WNK3: variants seen among roughly 807,000 people sequenced by gnomAD.
The protein encoded by WNK3 is serine/threonine-protein kinase WNK3.
In WNK3, 18 loss-of-function variants were observed where a neutral mutation model predicts 116.7. That is an observed-to-expected ratio of 0.15 (90% CI 0.11 to 0.23). WNK3 has a LOEUF of 0.23. Ranked by LOEUF, WNK3 falls within the 10% of genes least tolerant of loss-of-function variation. The pLI is 1.00. For synonymous variants in WNK3, 404 were observed against 469.4 expected, an observed-to-expected ratio of 0.86 and a Z score of 1.80; for missense variants, 993 against 1,323.8, an observed-to-expected ratio of 0.75 and a Z score of 3.88.
chrX:54,223,021 G>T (rs7054867), intron 22 of WNK3, among the ~76,000 whole-genome samples: 1,844 of 104,281 alleles, frequency 0.018, 48 homozygotes, highest in African/African-American at 0.062. Flanking sequence ...CGGAGAGTCA[G>T]AGGATGAGGA....
intron 10 of WNK3, among the ~76,000 whole-genome samples, 171 bp from the exon 11 acceptor site, chrX:54,259,509 G>T (rs1557156279): frequency 9.0e-6 from 1 of 111,609 alleles, no homozygotes; most frequent in Non-Finnish European, 1.9e-5. Context: ...TATTACCAAA[G>T]ATAAATAAAA....
intron 10 of WNK3, among the ~76,000 whole-genome samples, chrX:54,275,012 T>TAA (rs142853353): frequency 1.3e-4 from 5 of 39,949 alleles, no homozygotes; most frequent in Admixed American, 3.6e-4. Context: ...CCCTGTCACA[T>TAA]AAAAAAAAAA....
At chrX:54,326,095 T>C (rs2069100533) in intron 2 of WNK3, among the ~76,000 whole-genome samples, 1 of 105,487 alleles carries the variant, frequency 9.5e-6, no homozygotes, top group Admixed American at 1.0e-4. Context: ...TTTGTTTGAT[T>C]TTTTTTTTTT....
At chrX:54,199,551 C>T (rs1047886168) in intron 23 of WNK3, among the ~76,000 whole-genome samples, 4 of 111,903 alleles carry the variant, frequency 3.6e-5, no homozygotes, top group Non-Finnish European at 3.8e-5. Flanking sequence ...CAAATACAGA[C>T]GGCTGGGCGC....
chrX:54,314,702 G>C (rs2068931318), intron 2 of WNK3, among the ~76,000 whole-genome samples: 1 of 110,373 alleles, frequency 9.1e-6, no homozygotes, highest in Admixed American at 9.7e-5. Context: ...CCGGGAGGTC[G>C]AGACTGTATA....
At chrX:54,339,001 C>CA (rs782133987) in intron 1 of WNK3, among the ~76,000 whole-genome samples, 999 of 41,137 alleles carry the variant, frequency 0.024, 18 homozygotes, top group African/African-American at 0.081. Context: ...GACTCTGTCT[C>CA]AAAAAAAAAA....
intron 10 of WNK3, among the ~76,000 whole-genome samples, chrX:54,268,422 G>A (rs966823589): frequency 9.0e-6 from 1 of 111,513 alleles, no homozygotes; most frequent in Non-Finnish European, 1.9e-5. Context: ...CCAGGAGCCA[G>A]GTTGAGGCTG....
chrX:54,342,557 A>AC (rs2069342848), intron 1 of WNK3, among the ~76,000 whole-genome samples: 1 of 109,651 alleles, frequency 9.1e-6, no homozygotes, highest in Non-Finnish European at 1.9e-5. Context: ...CAAGAGTGAA[A>AC]TCTGTCTCAA....
chrX:54,265,882 A>C (rs1463967074), intron 10 of WNK3, among the ~76,000 whole-genome samples: 1 of 111,884 alleles, frequency 8.9e-6, no homozygotes, highest in African/African-American at 3.2e-5. Flanking sequence ...GGTCTCTACC[A>C]AAAATACAAA....
At chrX:54,249,394 C>A (rs200979535) in exon 17 of WNK3, 1 of 1,209,929 alleles carries the variant, frequency 8.3e-7, no homozygotes, top group Non-Finnish European at 1.1e-6. Context: ...TGGAACTGCA[C>A]GAACTGAAGT....
intron 22 of WNK3, among the ~76,000 whole-genome samples, chrX:54,226,777 T>C (rs1473841796): frequency 9.0e-6 from 1 of 110,899 alleles, no homozygotes; most frequent in African/African-American, 3.3e-5. Context: ...GAGGCGGACG[T>C]TGCAGTGAGC....
chrX:54,238,979 G>C, exon 18 of WNK3: 1 of 1,209,894 alleles, frequency 8.3e-7, no homozygotes, highest in Non-Finnish European at 1.1e-6. Context: ...TTGAGACTAG[G>C]ACAAGTAAAG....
At chrX:54,353,603 C>T (rs2069548750) in intron 1 of WNK3, among the ~76,000 whole-genome samples, 2 of 109,993 alleles carry the variant, frequency 1.8e-5, no homozygotes, top group African/African-American at 3.3e-5. Flanking sequence ...AAAAATTAGC[C>T]GGGCGTAGTG....
intron 19 of WNK3, among the ~76,000 whole-genome samples, chrX:54,238,125 C>T (rs958707268): frequency 4.5e-5 from 5 of 110,221 alleles, no homozygotes; most frequent in African/African-American, 1.3e-4. Flanking sequence ...CCCAGCTACT[C>T]GGGAGGCTGA....
intron 12 of WNK3, among the ~76,000 whole-genome samples, chrX:54,255,233 G>A (rs2068178874): frequency 9.0e-6 from 1 of 111,494 alleles, no homozygotes; most frequent in African/African-American, 3.3e-5. Context: ...ACCTGCCTCG[G>A]CCTTCCAAAG....
intron 17 of WNK3, among the ~76,000 whole-genome samples, chrX:54,245,978 G>A (rs1315206835): frequency 8.9e-6 from 1 of 112,048 alleles, no homozygotes; most frequent in East Asian, 2.8e-4. Flanking sequence ...ATATTTGCTA[G>A]TCTGATTAGC....
chrX:54,338,777 G>A (rs1252343608), intron 1 of WNK3, among the ~76,000 whole-genome samples: 2 of 108,974 alleles, frequency 1.8e-5, no homozygotes, highest in African/African-American at 6.7e-5. Context: ...TGAGGTGGGT[G>A]GATCACCTGA....
rs182006027 is a variant in WNK3, at chrX:54,217,959, C to T, written c.4870+10755G>A. ...GTTTGCACCACAAAATTAAGAGACA[C>T]GCAAAGAAACAGGAAAGCATGACAT... is the stretch of plus-strand genomic sequence containing the variant. On this transcript the variant is annotated intron_variant, in intron 22 of 23. Transcript: ENST00000354646. Among the ~76,000 whole-genome samples the T allele has an allele frequency of 3.3e-3, 365 of 111,222 alleles. 2 individuals carry two copies. Among genetic ancestry groups the T allele is most frequent in the African/African-American group, 0.01 (307 of 30,594 alleles).
intron 22 of WNK3, among the ~76,000 whole-genome samples, chrX:54,214,380 C>G (rs1159536829): frequency 1.8e-5 from 2 of 111,576 alleles, no homozygotes; most frequent in Non-Finnish European, 3.8e-5. Context: ...AGAAATAATA[C>G]TAACTCAAGA....
Sources: gnomAD v4.1 joint callset for allele counts (sites outside exome capture counted in the v4.1 genomes callset) on GRCh38, gnomAD v4.1.1 for gene constraint, MANE v1.5 for transcripts, NCBI Gene and HGNC (gene_info 2026-07-23, HGNC 2026-07-21) for gene names.